Variants in SMOC1 observed in about 807,000 individuals in gnomAD.
SMOC1 encodes the protein SPARC-related modular calcium-binding protein 1.
In SMOC1, 22 loss-of-function variants were observed where a neutral mutation model predicts 56.3. The observed-to-expected ratio is 0.39, with a 90% CI of 0.28 to 0.56. The LOEUF (loss-of-function observed/expected upper bound fraction) is 0.56, where lower values mean the gene tolerates loss of function less well. SMOC1 is among the 20% of genes least tolerant of loss of function. The pLI is 0.61. For synonymous variants in SMOC1, 193 were observed against 215.0 expected, an observed-to-expected ratio of 0.90 and a Z score of 0.89; for missense variants, 509 against 565.4, an observed-to-expected ratio of 0.90 and a Z score of 1.01.
intron 3 of SMOC1, among the ~76,000 whole-genome samples, chr14:69,956,447 G>GA (rs1566687786): frequency 1.7e-5 from 2 of 114,426 alleles, no homozygotes; most frequent in African/African-American, 7.1e-5. Context: ...ACTTAGCTGG[G>GA]CTTTTTTTTT....
chr14:69,985,698 G>A (rs1434416171), intron 5 of SMOC1, among the ~76,000 whole-genome samples: 1 of 152,184 alleles, frequency 6.6e-6, no homozygotes, highest in Admixed American at 6.5e-5. Flanking sequence ...TCATGACTTT[G>A]TCCAGCATAC....
At chr14:69,910,598 ATTT>A (rs35582659) in intron 1 of SMOC1, among the ~76,000 whole-genome samples, 1 of 148,774 alleles carries the variant, frequency 6.7e-6, no homozygotes, top group Admixed American at 6.7e-5. Context: ...TGTTTGAAGG[ATTT>A]TTTTTTTTTT....
intron 1 of SMOC1, among the ~76,000 whole-genome samples, chr14:69,923,338 T>G (rs932721479): frequency 6.6e-6 from 1 of 152,174 alleles, no homozygotes; most frequent in African/African-American, 2.4e-5. Flanking sequence ...ATTTTTTAAA[T>G]TATTTAATTA....
chr14:69,934,761 C>A (rs779540048), intron 1 of SMOC1, among the ~76,000 whole-genome samples: 2 of 152,198 alleles, frequency 1.3e-5, no homozygotes, highest in African/African-American at 4.8e-5. Context: ...GAGGGTTTAG[C>A]TCCTTTGGAT....
At chr14:70,022,800 G>A (rs1211394415) in intron 10 of SMOC1, among the ~76,000 whole-genome samples, 2 of 152,246 alleles carry the variant, frequency 1.3e-5, no homozygotes, top group Non-Finnish European at 2.9e-5. Flanking sequence ...CCACCACAGG[G>A]CACATGTTTA....
intron 11 of SMOC1, among the ~76,000 whole-genome samples, chr14:70,025,341 A>C (rs1200718707): frequency 1.3e-5 from 2 of 152,202 alleles, no homozygotes; most frequent in African/African-American, 4.8e-5. Flanking sequence ...ATAGCATGGG[A>C]AATGGATGGG....
chr14:69,970,218 A>G (rs1188091102), intron 3 of SMOC1, among the ~76,000 whole-genome samples: 1 of 152,156 alleles, frequency 6.6e-6, no homozygotes, highest in Non-Finnish European at 1.5e-5. Flanking sequence ...CATGACCCCA[A>G]AGAGTTCTAT....
intron 1 of SMOC1, among the ~76,000 whole-genome samples, chr14:69,889,302 C>T (rs1449880123): frequency 6.6e-6 from 1 of 152,172 alleles, no homozygotes; most frequent in African/African-American, 2.4e-5. Flanking sequence ...TCCTGCCCAT[C>T]ATTCAAAAGG....
chr14:69,938,997 A>G (rs116853722), intron 1 of SMOC1, among the ~76,000 whole-genome samples: 1,764 of 152,262 alleles, frequency 0.012, 17 homozygotes, highest in Non-Finnish European at 0.018. Context: ...GGAAGCACAC[A>G]TGCCTCAGCT....
chr14:69,915,936 T>C (rs1884674481), intron 1 of SMOC1, among the ~76,000 whole-genome samples: 1 of 152,236 alleles, frequency 6.6e-6, no homozygotes, highest in South Asian at 2.1e-4. Context: ...CTCCCTATTC[T>C]CATTCCTTTG....
intron 7 of SMOC1, among the ~76,000 whole-genome samples, chr14:69,995,654 A>G (rs552922361): frequency 1.3e-5 from 2 of 152,338 alleles, no homozygotes; most frequent in East Asian, 3.9e-4. Flanking sequence ...CAAAATGGGA[A>G]TCACAATCTC....
At position 70,029,606 on chromosome 14, in the gene SMOC1, T is replaced by A. The variant is rs1209059818; in HGVS notation, c.1292-636T>A. Among the ~76,000 whole-genome samples the A allele has an allele frequency of 2.0e-5, 3 of 152,218 alleles. No homozygotes were observed. In the East Asian group the frequency reaches 5.8e-4, roughly 29 times the overall value. ...GGTCAGAGAGGACAGAGACCCAGCA[T>A]ACGGAAGAAGGTGCCAGTTCTCTGG... is the stretch of plus-strand genomic sequence containing the variant. On this transcript the variant is annotated intron_variant, in intron 11 of 11. Transcript: ENST00000361956.
chr14:69,887,910 T>G (rs2139295371), intron 1 of SMOC1, among the ~76,000 whole-genome samples: 1 of 152,298 alleles, frequency 6.6e-6, no homozygotes, highest in South Asian at 2.1e-4. Flanking sequence ...GTTTCTAGTT[T>G]GATGCCTGTC....
chr14:69,957,581 G>T (rs140632540), intron 3 of SMOC1, among the ~76,000 whole-genome samples: 1,551 of 152,174 alleles, frequency 0.01, 22 homozygotes, highest in African/African-American at 0.034. Flanking sequence ...CATTGTTGTT[G>T]CAGAAGTTCT....
intron 3 of SMOC1, among the ~76,000 whole-genome samples, chr14:69,961,226 G>C (rs1883358080): frequency 7.3e-6 from 1 of 136,896 alleles, no homozygotes; most frequent in Admixed American, 7.7e-5. Context: ...GTTGTAGCAT[G>C]AATCAGTACT....
At chr14:69,885,577 T>G in intron 1 of SMOC1, 4 of 1,586,364 alleles carry the variant, frequency 2.5e-6, no homozygotes, top group Non-Finnish European at 3.4e-6. Flanking sequence ...GTCCCAGTCT[T>G]GCCTTCCCCT....
chr14:69,946,094 A>G (rs1341298774), intron 1 of SMOC1, among the ~76,000 whole-genome samples: 1 of 152,246 alleles, frequency 6.6e-6, no homozygotes, highest in Non-Finnish European at 1.5e-5. Flanking sequence ...CTTGGCAGTC[A>G]GTCAAAACTA....
At chr14:69,993,201 G>A (rs926502753) in intron 6 of SMOC1, among the ~76,000 whole-genome samples, 1 of 152,118 alleles carries the variant, frequency 6.6e-6, no homozygotes, top group Non-Finnish European at 1.5e-5. Flanking sequence ...GAGAGTTGAG[G>A]CAGGACATTT....
chr14:69,925,836 T>G (rs550391480), intron 1 of SMOC1, among the ~76,000 whole-genome samples: 11 of 152,304 alleles, frequency 7.2e-5, no homozygotes, highest in African/African-American at 2.6e-4. Flanking sequence ...TCCAATTTTC[T>G]TATCAGAATG....
Sources: gnomAD v4.1 joint callset for allele counts (sites outside exome capture counted in the v4.1 genomes callset) on GRCh38, gnomAD v4.1.1 for gene constraint, MANE v1.5 for transcripts, NCBI Gene and HGNC (gene_info 2026-07-23, HGNC 2026-07-21) for gene names.